LRBA: variants seen among roughly 807,000 people sequenced by gnomAD.
LRBA encodes the protein LPS responsive beige-like anchor protein, also known as lipopolysaccharide-responsive and beige-like anchor protein.
Under a neutral mutation model 330.0 loss-of-function variants are expected in LRBA, and 176 were observed. The observed-to-expected ratio is 0.53, with a 90% confidence interval of 0.47 to 0.60. The LOEUF (loss-of-function observed/expected upper bound fraction) is 0.60. Ranked by LOEUF, LRBA falls within the 20% of genes least tolerant of loss-of-function variation. LRBA has a pLI of 0.00. For synonymous variants in LRBA, 1,230 were observed against 1,193.0 expected, an observed-to-expected ratio of 1.03 and a Z score of -0.64; for missense variants, 3,259 against 3,444.8, an observed-to-expected ratio of 0.95 and a Z score of 1.35.
intron 37 of LRBA, among the ~76,000 whole-genome samples, chr4:150,661,492 A>AG (rs1781101725): frequency 6.6e-6 from 1 of 150,724 alleles, no homozygotes; most frequent in Non-Finnish European, 1.5e-5. Context: ...AAAAAAGAAG[A>AG]AAGAAAGAAA....
At chr4:150,794,241 A>G (rs1740415812) in intron 34 of LRBA, among the ~76,000 whole-genome samples, 1 of 152,046 alleles carries the variant, frequency 6.6e-6, no homozygotes, top group Non-Finnish European at 1.5e-5. Context: ...ATTAAGAGAG[A>G]CCTAAATGGT....
At chr4:150,662,204 GA>G (rs1024161155) in intron 37 of LRBA, among the ~76,000 whole-genome samples, 5 of 152,124 alleles carry the variant, frequency 3.3e-5, no homozygotes, top group African/African-American at 9.6e-5. Flanking sequence ...TGTAATCCAT[GA>G]AAAATCATGA....
intron 38 of LRBA, among the ~76,000 whole-genome samples, chr4:150,598,619 AT>A (rs1435267723): frequency 2.0e-5 from 3 of 152,152 alleles, no homozygotes; most frequent in African/African-American, 7.2e-5. Context: ...GGCGAAAACC[AT>A]GTATACACAA....
At chr4:150,334,648 C>T (rs1226696648) in intron 48 of LRBA, among the ~76,000 whole-genome samples, 1 of 151,702 alleles carries the variant, frequency 6.6e-6, no homozygotes, top group African/African-American at 2.4e-5. Flanking sequence ...AAAAGATTGG[C>T]AGAATAAAAA....
At chr4:150,942,684 T>G (rs1223230497) in intron 2 of LRBA, among the ~76,000 whole-genome samples, 1 of 152,130 alleles carries the variant, frequency 6.6e-6, no homozygotes. Flanking sequence ...AGATTTCCAT[T>G]TCTACTATCA....
chr4:151,011,727 T>C (rs2149676880), intron 2 of LRBA, among the ~76,000 whole-genome samples: 1 of 152,222 alleles, frequency 6.6e-6, no homozygotes, highest in East Asian at 1.9e-4. Flanking sequence ...TTTCAGGGTG[T>C]TGCTCTGCAT....
chr4:150,766,053 C>G (rs1447846746), intron 34 of LRBA, among the ~76,000 whole-genome samples: 1 of 151,942 alleles, frequency 6.6e-6, no homozygotes, highest in Non-Finnish European at 1.5e-5. Context: ...GGCTCAGAAA[C>G]TCAAATTTAT....
chr4:150,476,740 A>G (rs1010239257), intron 42 of LRBA, among the ~76,000 whole-genome samples: 1 of 152,206 alleles, frequency 6.6e-6, no homozygotes, highest in Non-Finnish European at 1.5e-5. Context: ...CAGAAAAACT[A>G]AAATGAAAAC....
chr4:150,710,918 G>C (rs944170234), intron 36 of LRBA, among the ~76,000 whole-genome samples: 1 of 151,700 alleles, frequency 6.6e-6, no homozygotes, highest in East Asian at 1.9e-4. Context: ...TATTATTCAG[G>C]CTAAGTTTAC....
chr4:150,399,265 G>A lies in LRBA; in HGVS notation c.7194+16173C>T, dbSNP rs183326536. On this transcript the variant is annotated intron_variant, in intron 47 of 56. Transcript: ENST00000651943. ...TTTTGCACCAATAGACTCTTATTCAGGTATGACACACAGAGACACAAAATG... is the reference window on the plus strand; with the variant it reads ...TTTTGCACCAATAGACTCTTATTCAAGTATGACACACAGAGACACAAAATG... Among the ~76,000 whole-genome samples the A allele has an allele frequency of 1.3e-4, 20 of 152,092 alleles. No homozygotes were observed. In the East Asian group the frequency reaches 3.7e-3, roughly 28 times the overall value.
intron 9 of LRBA, among the ~76,000 whole-genome samples, chr4:150,910,499 C>T (rs1288764943): frequency 1.3e-5 from 2 of 152,086 alleles, no homozygotes; most frequent in African/African-American, 2.4e-5. Context: ...AGTTTATTTC[C>T]GGACACTCTA....
intron 47 of LRBA, among the ~76,000 whole-genome samples, chr4:150,409,066 T>C (rs1002128136): frequency 9.2e-5 from 14 of 152,116 alleles, no homozygotes; most frequent in Non-Finnish European, 1.9e-4. Flanking sequence ...CAGAAGTCTT[T>C]ATTTAGGATA....
At chr4:150,800,449 T>G (rs545333288) in intron 33 of LRBA, among the ~76,000 whole-genome samples, 2 of 152,188 alleles carry the variant, frequency 1.3e-5, no homozygotes, top group Non-Finnish European at 2.9e-5. Context: ...ATAAGGAACT[T>G]AACATCAAAA....
intron 37 of LRBA, among the ~76,000 whole-genome samples, chr4:150,653,528 C>T (rs912832464): frequency 2.6e-5 from 4 of 152,084 alleles, no homozygotes; most frequent in African/African-American, 9.7e-5. Context: ...CTGACCTTGC[C>T]CAATCAAGCC....
chr4:150,796,351 G>A (rs1373743923), intron 34 of LRBA, among the ~76,000 whole-genome samples: 2 of 151,864 alleles, frequency 1.3e-5, no homozygotes, highest in Non-Finnish European at 2.9e-5. Context: ...AGAACAATCT[G>A]TATACATCTG....
rs140339719 is a variant in LRBA, at chr4:150,844,690, T to C, written c.4429A>G (p.Ser1477Gly). The C allele has an allele frequency of 6.2e-7, 1 of 1,613,494 alleles. No homozygotes were observed. The highest frequency in any genetic ancestry group is 1.7e-4 in the Middle Eastern group (1 of 6,060). ...RGDKALKPMHSLIPLGKSAAK... is the reference protein window; with the variant it reads ...RGDKALKPMHGLIPLGKSAAK... ...GCAGATTTCCCTAAAGGAATAAGGC[T>C]ATGCATTGGTTTCAAGGCTTTATCT... is the stretch of plus-strand genomic sequence containing the variant. The change falls in exon 27 of 57, where the codon AGC (serine) becomes GGC (glycine). Residue 1477 changes from serine to glycine, a missense_variant. By Grantham distance (56) the Ser-to-Gly change is moderately conservative. Coordinates refer to ENST00000651943, the MANE Select transcript of LRBA (RefSeq NM_001364905.1).
chr4:150,927,608 G>A (rs1012854159), intron 4 of LRBA, among the ~76,000 whole-genome samples: 16 of 151,996 alleles, frequency 1.1e-4, no homozygotes, highest in African/African-American at 3.4e-4. Flanking sequence ...GACAGGAAGC[G>A]GGGACAAGAA....
intron 37 of LRBA, among the ~76,000 whole-genome samples, chr4:150,644,104 G>A: frequency 6.6e-6 from 1 of 151,894 alleles, no homozygotes; most frequent in Non-Finnish European, 1.5e-5. Flanking sequence ...GAGAAACGTA[G>A]ACTTTAAATA....
chr4:150,399,114 C>T (rs1745140057), intron 47 of LRBA, among the ~76,000 whole-genome samples: 1 of 152,056 alleles, frequency 6.6e-6, no homozygotes, highest in Non-Finnish European at 1.5e-5. Context: ...TATTTTCTGT[C>T]TCAGTTATGT....
Sources: allele counts gnomAD v4.1 joint callset (sites outside exome capture counted in the v4.1 genomes callset), GRCh38; gene constraint gnomAD v4.1.1; transcripts MANE v1.5; gene names NCBI Gene and HGNC (gene_info 2026-07-23, HGNC 2026-07-21).